CTNNA2: variants seen among roughly 807,000 people sequenced by gnomAD.
The protein encoded by CTNNA2 is catenin alpha-2.
Under a neutral mutation model 101.0 loss-of-function variants are expected in CTNNA2, and 42 were observed. The ratio of observed to expected loss-of-function variants is 0.42; its 90% CI spans 0.32 to 0.54. The LOEUF (loss-of-function observed/expected upper bound fraction) is 0.54, where lower values mean the gene tolerates loss of function less well. CTNNA2 is among the 20% of genes least tolerant of loss of function. The pLI, the probability that CTNNA2 is intolerant of heterozygous loss-of-function variation, is 0.14. For synonymous variants in CTNNA2, 450 were observed against 456.4 expected (o/e 0.99, Z 0.18); for missense variants, 871 against 1,223.1 (o/e 0.71, Z 4.29).
At chr2:80,203,738 CAGCTCCACT>C (rs1707354882) in intron 7 of CTNNA2, among the ~76,000 whole-genome samples, 2 of 152,226 alleles carry the variant, frequency 1.3e-5, no homozygotes, top group African/African-American at 4.8e-5. Flanking sequence ...CCTCTTCTCA[CAGCTCCACT>C]AGGTGGTGCC....
intron 12 of CTNNA2, among the ~76,000 whole-genome samples, chr2:80,573,847 A>G (rs549970345): frequency 2.2e-4 from 34 of 152,282 alleles, no homozygotes; most frequent in African/African-American, 7.7e-4. Flanking sequence ...CAGAAATGCA[A>G]CTCAGTTTGG....
intron 7 of CTNNA2, among the ~76,000 whole-genome samples, chr2:79,994,067 C>T (rs913780952): frequency 4.6e-5 from 7 of 151,960 alleles, no homozygotes; most frequent in African/African-American, 1.5e-4. Context: ...ACCACCACAC[C>T]TAGCTATTTT....
chr2:80,608,165 C>A lies in CTNNA2; in HGVS notation c.2296-19C>A. ...GAAGAGTACTTACTAATCAAGATCA[C>A]TCTTTTAATGTTTTATAGTGTCCTG... is the stretch of plus-strand genomic sequence containing the variant. On this transcript the variant is annotated intron_variant, in intron 16 of 18. Coordinates refer to ENST00000402739, the MANE Select transcript of CTNNA2 (RefSeq NM_001282597.3). 1 of 1,592,828 alleles carries A rather than the reference C, an allele frequency of 6.3e-7. No homozygotes were observed. Among genetic ancestry groups the A allele is most frequent in the South Asian group, 1.1e-5 (1 of 89,032 alleles).
At chr2:79,938,072 T>G (rs980679034) in intron 7 of CTNNA2, among the ~76,000 whole-genome samples, 2 of 152,094 alleles carry the variant, frequency 1.3e-5, no homozygotes, top group Admixed American at 1.3e-4. Flanking sequence ...AGAAAACACA[T>G]GGAAAAAAGC....
At position 80,329,367 on chromosome 2, in the gene CTNNA2, T is replaced by C. The variant is rs556259093; in HGVS notation, c.1057-63844T>C. On this transcript the variant is annotated intron_variant, in intron 7 of 18. Coordinates refer to ENST00000402739, the MANE Select transcript of CTNNA2 (RefSeq NM_001282597.3). ...TATTATGTAGAAGTAAATGAAACAG[T>C]GTGGTAAAGACTGAGAGGAGATGGA... Among the ~76,000 whole-genome samples the C allele has an allele frequency of 1.1e-4, 16 of 152,212 alleles. No homozygotes were observed. In the East Asian group the frequency reaches 1.7e-3, roughly 17 times the overall value.
chr2:79,968,229 C>T (rs965549313), intron 7 of CTNNA2, among the ~76,000 whole-genome samples: 1 of 151,934 alleles, frequency 6.6e-6, no homozygotes, highest in Non-Finnish European at 1.5e-5. Flanking sequence ...AAAAACAGAG[C>T]TCATTTATAT....
intron 12 of CTNNA2, 100 bp downstream of exon 12, chr2:80,555,993 C>A: frequency 1.3e-6 from 1 of 771,512 alleles, no homozygotes; most frequent in Admixed American, 3.1e-5. Flanking sequence ...CTTTATGCTT[C>A]TAAATTGCAC....
At chr2:79,582,248 A>C (rs1676193023) in intron 1 of CTNNA2, among the ~76,000 whole-genome samples, 1 of 152,248 alleles carries the variant, frequency 6.6e-6, no homozygotes, top group Non-Finnish European at 1.5e-5. Flanking sequence ...GAATATTTCC[A>C]GGCACAAGGT....
chr2:80,304,853 AAT>A (rs1445881871), intron 7 of CTNNA2: 5 of 159,324 alleles, frequency 3.1e-5, no homozygotes, highest in African/African-American at 1.2e-4. Context: ...CCACTAAAGT[AAT>A]ATATGTTTTT....
At chr2:79,829,836 C>T (rs1338588160) in intron 3 of CTNNA2, among the ~76,000 whole-genome samples, 1 of 151,936 alleles carries the variant, frequency 6.6e-6, no homozygotes, top group Non-Finnish European at 1.5e-5. Context: ...TGTCCTGCCT[C>T]AGCCTCCCGA....
At chr2:79,412,562 A>G (rs962779730) in intron 4 of CTNNA2, among the ~76,000 whole-genome samples, 2 of 152,058 alleles carry the variant, frequency 1.3e-5, no homozygotes, top group Non-Finnish European at 2.9e-5. Context: ...ACCACAGTGC[A>G]ATCAAACTAG....
At chr2:80,044,897 T>G (rs888934289) in intron 7 of CTNNA2, among the ~76,000 whole-genome samples, 1 of 152,130 alleles carries the variant, frequency 6.6e-6, no homozygotes, top group African/African-American at 2.4e-5. Flanking sequence ...TGATCTAACC[T>G]CCAATGGAGG....
chr2:79,694,165 C>A lies in CTNNA2; in HGVS notation c.102+42507C>A, dbSNP rs532177124. Among the ~76,000 whole-genome samples, 6 of 151,958 alleles carry A rather than the reference C, an allele frequency of 3.9e-5. No individual in the cohort carries two copies. The South Asian group carries it at 1.2e-3, about 32-fold the overall frequency. On this transcript the variant is annotated intron_variant, in intron 2 of 18. Transcript: ENST00000402739. The stretch of plus-strand genomic sequence containing the variant: ...TTATAGTGCTGTCAAATTGCGTCGC[C>A]TAATTTAGAAATGTTACACATAAAA...
At chr2:79,520,936 C>T (rs1007408812) in intron 1 of CTNNA2, among the ~76,000 whole-genome samples, 7 of 151,478 alleles carry the variant, frequency 4.6e-5, no homozygotes, top group Non-Finnish European at 1.0e-4. Flanking sequence ...AATACTCTTA[C>T]CATACGATCC....
chr2:80,562,643 A>G (rs1558590195), intron 12 of CTNNA2, among the ~76,000 whole-genome samples: 1 of 152,100 alleles, frequency 6.6e-6, no homozygotes, highest in Non-Finnish European at 1.5e-5. Context: ...TATGCACAAG[A>G]TTATTTATTA....
At chr2:79,410,487 A>C (rs1007137494) in intron 4 of CTNNA2, among the ~76,000 whole-genome samples, 4 of 152,056 alleles carry the variant, frequency 2.6e-5, no homozygotes, top group African/African-American at 9.7e-5. Flanking sequence ...TCAATACCTA[A>C]TTTATTGAGA....
At chr2:79,259,133 A>G (rs1674888052) in intron 2 of CTNNA2, among the ~76,000 whole-genome samples, 1 of 152,128 alleles carries the variant, frequency 6.6e-6, no homozygotes, top group Admixed American at 6.6e-5. Flanking sequence ...TATATCAGGG[A>G]GCCCAGTATT....
chr2:79,535,881 C>T (rs980823743), intron 1 of CTNNA2, among the ~76,000 whole-genome samples: 1 of 152,080 alleles, frequency 6.6e-6, no homozygotes, highest in African/African-American at 2.4e-5. Flanking sequence ...AAAAAAATGC[C>T]AGCCCAATTA....
intron 7 of CTNNA2, among the ~76,000 whole-genome samples, chr2:80,069,278 C>A (rs1407888428): frequency 6.6e-6 from 1 of 152,172 alleles, no homozygotes; most frequent in Admixed American, 6.5e-5. Flanking sequence ...ACTACCGATT[C>A]AAATGCTAAT....
Sources: gnomAD v4.1 joint callset for allele counts (sites outside exome capture counted in the v4.1 genomes callset) on GRCh38, gnomAD v4.1.1 for gene constraint, MANE v1.5 for transcripts, NCBI Gene and HGNC (gene_info 2026-07-23, HGNC 2026-07-21) for gene names.